Variants in RPAP2 observed in about 807,000 individuals in gnomAD.
The protein encoded by RPAP2 is RNA polymerase II associated protein 2.
RPAP2 carries 52 observed loss-of-function variants against 73.1 expected under a neutral mutation model. The observed-to-expected ratio is 0.71, with a 90% CI of 0.57 to 0.90. The LOEUF (loss-of-function observed/expected upper bound fraction) is 0.90. Among genes scored for constraint, RPAP2 ranks in the 40% least tolerant of loss-of-function variants. RPAP2 has a pLI of 0.00. For synonymous variants in RPAP2, 225 were observed against 242.1 expected, an observed-to-expected ratio of 0.93 and a Z score of 0.65; for missense variants, 598 against 701.8, an observed-to-expected ratio of 0.85 and a Z score of 1.67.
At chr1:92,342,073 C>G (rs1653622784) in intron 10 of RPAP2, among the ~76,000 whole-genome samples, 1 of 152,220 alleles carries the variant, frequency 6.6e-6, no homozygotes, top group Non-Finnish European at 1.5e-5. Context: ...ACACACAAAT[C>G]CCTTCACTCA....
At chr1:92,339,881 T>TA (rs1434239746) in intron 10 of RPAP2, among the ~76,000 whole-genome samples, 1 of 152,164 alleles carries the variant, frequency 6.6e-6, no homozygotes, top group East Asian at 1.9e-4. Context: ...CTTTCTGCAT[T>TA]ATTTAAAGAC....
intron 6 of RPAP2, among the ~76,000 whole-genome samples, chr1:92,313,768 C>T (rs999531560): frequency 6.6e-6 from 1 of 152,200 alleles, no homozygotes; most frequent in Non-Finnish European, 1.5e-5. Context: ...GATTTGTCTA[C>T]ATTGAAAATT....
At chr1:92,370,473 C>A (rs1014211253) in intron 11 of RPAP2, among the ~76,000 whole-genome samples, 2 of 152,094 alleles carry the variant, frequency 1.3e-5, no homozygotes, top group Non-Finnish European at 2.9e-5. Flanking sequence ...ACCAAAAACA[C>A]CCACAAAAGT....
rs143263368 is a variant in RPAP2 at position 92,300,802 on chromosome 1, T to A, written c.119+563T>A. On this transcript the variant is annotated intron_variant, in intron 2 of 12. Transcript: ENST00000610020. ...TTTACTCATTCTTTCAAAAATTATT[T>A]ATTGAGTATAAGATATGTCGGACCT... Among the ~76,000 whole-genome samples, 1,107 of 152,344 alleles carry A rather than the reference T, an allele frequency of 7.3e-3. 9 individuals are homozygous for A. The highest frequency in any genetic ancestry group is 0.015 in the South Asian group (71 of 4,828).
chr1:92,309,445 A>AAC (rs1651447999), intron 6 of RPAP2, among the ~76,000 whole-genome samples: 1 of 151,732 alleles, frequency 6.6e-6, no homozygotes, highest in African/African-American at 2.4e-5. Context: ...CATCTCAAAA[A>AAC]AAAAAAAATG....
chr1:92,343,176 A>G (rs1238039409), intron 10 of RPAP2, among the ~76,000 whole-genome samples: 2 of 152,176 alleles, frequency 1.3e-5, no homozygotes, highest in Non-Finnish European at 2.9e-5. Context: ...AGGTGGGGGA[A>G]CCAGGCAAGT....
intron 12 of RPAP2, among the ~76,000 whole-genome samples, chr1:92,384,889 C>A (rs1441740048): frequency 6.6e-6 from 1 of 152,088 alleles, no homozygotes; most frequent in Admixed American, 6.6e-5. Context: ...GTAGCTTATG[C>A]CTAAAATTCC....
chr1:92,323,612 A>G lies in RPAP2; in HGVS notation c.692A>G (p.Asn231Ser). ...QDFVSSILPG[N>S]RPNSTNIRPQ... is the part of the protein sequence containing the mutation. ...TTTGTTTCCTCCATTCTACCAGGAA[A>G]CAGACCAAATTCAACAAATATTAGA... is the stretch of plus-strand genomic sequence containing the variant. Residue 231 changes from asparagine to serine, a missense_variant, in exon 8 of 13, where the codon AAC (asparagine) becomes AGC (serine). Physicochemically the swap from Asn to Ser is conservative, Grantham distance 46. Around this residue, in one of 3 missense-constraint regions of RPAP2, gnomAD observed 506 missense variants for 612.8 expected, o/e 0.83. Transcript: ENST00000610020. 6.2e-7 allele frequency: 1 copy of G among 1,614,114 alleles called. No individual in the cohort carries two copies.
At chr1:92,314,074 C>T in intron 6 of RPAP2, among the ~76,000 whole-genome samples, 1 of 152,186 alleles carries the variant, frequency 6.6e-6, no homozygotes, top group South Asian at 2.1e-4. Flanking sequence ...TCTATACCAG[C>T]AATAAGGCTG....
chr1:92,301,650 C>A (rs1219206486), intron 3 of RPAP2, 60 bp downstream of exon 3: 4 of 638,562 alleles, frequency 6.3e-6, no homozygotes, highest in Non-Finnish European at 1.0e-5. Flanking sequence ...ATCTGTGCAG[C>A]ATGAAACTTC....
intron 11 of RPAP2, among the ~76,000 whole-genome samples, chr1:92,361,831 C>G (rs2101386770): frequency 1.4e-5 from 2 of 145,210 alleles, no homozygotes; most frequent in East Asian, 3.9e-4. Context: ...TTGCTTTTAT[C>G]TTCCATGGAC....
rs1289794544 is a variant in RPAP2, at chr1:92,380,745, T to G, written c.1710T>G (p.Ile570Met). 6.3e-7 allele frequency: 1 copy of G among 1,585,948 alleles called. No homozygotes were observed. Among genetic ancestry groups the G allele is most frequent in the Non-Finnish European group, 8.5e-7 (1 of 1,171,730 alleles). The stretch of plus-strand genomic sequence containing the variant: ...TCAGACTGACCCCAATTCTTGGCAT[T>G]CAGAAACATTCTCAGGAAGGTATGG... ...LLSLLTPILG[I>M]QKHSQEGMVF... Residue 570 changes from isoleucine (I) to methionine (M), a missense_variant, in exon 12 of 13, where the codon ATT becomes ATG. Transcript: ENST00000610020.
chr1:92,377,174 G>A (rs1205396629), intron 11 of RPAP2, among the ~76,000 whole-genome samples: 1 of 152,094 alleles, frequency 6.6e-6, no homozygotes, highest in Non-Finnish European at 1.5e-5. Context: ...AAGGCTTTGA[G>A]GTGCAACTTG....
chr1:92,311,163 C>CA (rs1651574359), intron 6 of RPAP2, among the ~76,000 whole-genome samples: 1 of 152,198 alleles, frequency 6.6e-6, no homozygotes, highest in Non-Finnish European at 1.5e-5. Context: ...GGATTTAGCT[C>CA]ACGTTTTTGG....
At chr1:92,327,235 TG>T (rs1485164440) in intron 8 of RPAP2, among the ~76,000 whole-genome samples, 1 of 152,246 alleles carries the variant, frequency 6.6e-6, no homozygotes, top group Non-Finnish European at 1.5e-5. Context: ...CTTGATGACC[TG>T]TCTAGTGCTG....
intron 10 of RPAP2, among the ~76,000 whole-genome samples, chr1:92,339,681 A>G (rs1008200430): frequency 1.3e-5 from 2 of 152,092 alleles, no homozygotes; most frequent in African/African-American, 2.4e-5. Flanking sequence ...AGAATTGATA[A>G]GTAGTGACTA....
At position 92,336,420 on chromosome 1, in the gene RPAP2, AC is replaced by A; in HGVS notation, c.1613del (p.Thr538IlefsTer4). ...IYTQLKNLVR[T>X]FRLTNRNIIH... ...CACACAACTTAAAAATCTTGTTCGA[AC>A]TTTCAGGTTAGTGTTTATATTACAA... is the stretch of plus-strand genomic sequence containing the variant. On this transcript the variant is annotated frameshift_variant, in exon 10 of 13. Transcript: ENST00000610020. LOFTEE classifies it high-confidence loss of function. The A allele has an allele frequency of 6.3e-7, 1 of 1,593,436 alleles. No homozygotes were observed. The highest frequency in any genetic ancestry group is 1.3e-5 in the African/African-American group (1 of 74,590).
chr1:92,304,233 T>G, intron 4 of RPAP2, 51 bp from the exon 5 acceptor site: 1 of 1,260,374 alleles, frequency 7.9e-7, no homozygotes, highest in Non-Finnish European at 1.1e-6. Flanking sequence ...TAACATAACG[T>G]TCATGTTTAT....
chr1:92,303,513 G>A (rs1463994767), intron 3 of RPAP2, among the ~76,000 whole-genome samples: 2 of 152,048 alleles, frequency 1.3e-5, no homozygotes, highest in African/African-American at 4.8e-5. Context: ...CACAAACTGT[G>A]TTCTGCAGTA....
Sources: allele counts gnomAD v4.1 joint callset (sites outside exome capture counted in the v4.1 genomes callset), GRCh38; gene constraint gnomAD v4.1.1; regional missense constraint gnomAD v4.1.1; transcripts MANE v1.5; gene names NCBI Gene and HGNC (gene_info 2026-07-23, HGNC 2026-07-21).